TBCCD1: variants seen among roughly 807,000 people sequenced by gnomAD.
TBCCD1 encodes TBCC domain-containing protein 1.
In TBCCD1, 26 loss-of-function variants were observed where a neutral mutation model predicts 53.4. That is an observed-to-expected ratio of 0.49 (90% CI 0.36 to 0.68). The LOEUF is 0.68. Among genes scored for constraint, TBCCD1 ranks in the 30% least tolerant of loss-of-function variants. The pLI, the probability that TBCCD1 is intolerant of heterozygous loss-of-function variation, is 0.00. For synonymous variants in TBCCD1, 245 were observed against 241.7 expected (o/e 1.01, Z -0.13); for missense variants, 558 against 669.5 (o/e 0.83, Z 1.84).
intron 2 of TBCCD1, among the ~76,000 whole-genome samples, chr3:186,561,492 C>T (rs1012978661): frequency 6.6e-6 from 1 of 152,082 alleles, no homozygotes; most frequent in East Asian, 1.9e-4. Context: ...ACTGGTACAG[C>T]CATTATAAAA....
rs776622247 is a variant in TBCCD1, at chr3:186,564,370, T to C, written c.-41A>G. On this transcript the variant is annotated splice_region_variant and 5_prime_UTR_variant, in exon 2 of 8. An upstream start codon of the reference 5' UTR is lost. Coordinates refer to ENST00000338733, the MANE Select transcript of TBCCD1 (RefSeq NM_018138.5). ...ATCAGGGTGAAAAGGCTTCTTTGCA[T>C]ACCTAGGAAACAAAGTTTCTTCATA... The C allele has an allele frequency of 1.3e-6, 2 of 1,525,590 alleles. No individual in the cohort carries two copies. The highest frequency in any genetic ancestry group is 4.3e-5 in the Admixed American group (2 of 46,346). 94.5% of individuals were successfully genotyped at this position (1,525,590 alleles called of 1,614,324 possible). A position where few individuals can be genotyped will look rare whatever the true frequency, so the allele number is the denominator to read the frequency against.
intron 2 of TBCCD1, among the ~76,000 whole-genome samples, chr3:186,562,388 T>C (rs1714713151): frequency 6.6e-6 from 1 of 152,080 alleles, no homozygotes; most frequent in Non-Finnish European, 1.5e-5. Flanking sequence ...TTCAACAACA[T>C]GGATGGACCT....
chr3:186,556,805 A>G (rs1204649738), intron 3 of TBCCD1, 30 bp from the exon 4 acceptor site: 1 of 1,585,986 alleles, frequency 6.3e-7, no homozygotes, highest in Admixed American at 2.0e-5. Context: ...AAGCACTCTT[A>G]ATAAAGAGAT....
intron 2 of TBCCD1, among the ~76,000 whole-genome samples, chr3:186,560,153 C>A (rs546044428): frequency 7.6e-6 from 1 of 132,016 alleles, no homozygotes; most frequent in South Asian, 2.2e-4. Context: ...GGATCCTTGC[C>A]TTTTCCATTT....
intron 7 of TBCCD1, among the ~76,000 whole-genome samples, chr3:186,547,629 C>T (rs1341207565): frequency 3.7e-5 from 5 of 135,772 alleles, no homozygotes; most frequent in African/African-American, 5.6e-5. Context: ...TTTTTTAAGA[C>T]GGAGTCTCGC....
At chr3:186,549,096 G>A (rs185197231) in intron 7 of TBCCD1, among the ~76,000 whole-genome samples, 2 of 151,688 alleles carry the variant, frequency 1.3e-5, no homozygotes, top group African/African-American at 4.8e-5. Flanking sequence ...AGACCAGCCT[G>A]GGCCATCATG....
upstream of TBCCD1, among the ~76,000 whole-genome samples, chr3:186,568,134 T>C (rs1714892111): frequency 6.6e-6 from 1 of 152,182 alleles, no homozygotes; most frequent in Non-Finnish European, 1.5e-5. Flanking sequence ...GGGCTTCAAA[T>C]TTACACATAC....
At chr3:186,548,703 G>GA (rs1714281503) in intron 7 of TBCCD1, among the ~76,000 whole-genome samples, 3 of 152,080 alleles carry the variant, frequency 2.0e-5, no homozygotes, top group Non-Finnish European at 4.4e-5. Context: ...CTAGTCCACA[G>GA]TTTTTTTAAA....
At chr3:186,568,905 GA>G (rs1315274828), upstream of TBCCD1, among the ~76,000 whole-genome samples, 1 of 135,318 alleles carries the variant, frequency 7.4e-6, no homozygotes, top group Non-Finnish European at 1.5e-5. Flanking sequence ...TCTGTCTCAG[GA>G]AAAAAAAAGA....
chr3:186,549,306 T>TA (rs1714302839), intron 7 of TBCCD1, among the ~76,000 whole-genome samples: 4 of 149,858 alleles, frequency 2.7e-5, no homozygotes, highest in African/African-American at 9.9e-5. Context: ...ATAAATAAAT[T>TA]AATTAATTAA....
intron 7 of TBCCD1, among the ~76,000 whole-genome samples, chr3:186,550,648 T>A (rs1379462458): frequency 6.6e-6 from 1 of 152,220 alleles, no homozygotes; most frequent in Non-Finnish European, 1.5e-5. Flanking sequence ...TTTGTTTGTA[T>A]GCATATTCTC....
intron 2 of TBCCD1, 74 bp from the exon 3 acceptor site, chr3:186,558,646 T>A: frequency 2.0e-6 from 3 of 1,501,022 alleles, no homozygotes; most frequent in Admixed American, 2.3e-5. Flanking sequence ...TAAGTAGACA[T>A]AGTAAATTCA....
At chr3:186,558,616 TCAACCA>T in intron 2 of TBCCD1, 44 bp from the exon 3 acceptor site, 1 of 1,593,776 alleles carries the variant, frequency 6.3e-7, no homozygotes, top group Non-Finnish European at 8.6e-7. Flanking sequence ...TTTTAAAACA[TCAACCA>T]CTAGTCTAAC....
intron 6 of TBCCD1, among the ~76,000 whole-genome samples, chr3:186,551,891 C>T (rs1409396828): frequency 6.6e-6 from 1 of 152,110 alleles, no homozygotes; most frequent in Non-Finnish European, 1.5e-5. Context: ...GCAGGAAAAT[C>T]GCTTGAACCC....
Position 186,564,325 on chromosome 3 carries a change from T to G in TBCCD1, c.5A>C (p.Asp2Ala). The change falls in exon 2 of 8, where the codon GAT becomes GCT. Residue 2 changes from aspartate to alanine, a missense_variant. Transcript: ENST00000338733. The part of the protein sequence containing the change: M[D>A]QSRVLLWVKA... ...CACCCAGAGGAGAACTCTGGACTGA[T>G]CCATATTATCTCTAAGGACATCAGG... is the stretch of plus-strand genomic sequence containing the variant. 6.2e-7 allele frequency: 1 copy of G among 1,606,310 alleles called. No individual in the cohort carries two copies. Among genetic ancestry groups the G allele is most frequent in the East Asian group, 2.2e-5 (1 of 44,770 alleles).
chr3:186,555,493 A>G (rs936062658), intron 4 of TBCCD1, among the ~76,000 whole-genome samples: 1 of 152,162 alleles, frequency 6.6e-6, no homozygotes, highest in Admixed American at 6.5e-5. Flanking sequence ...AAATTACCAT[A>G]ATATTAATTC....
rs59882959 is a variant in TBCCD1, at chr3:186,551,135, C to T, written c.*15G>A. ...AAGTGGTATAAATGCCTACCAGTGTCTGCATGTAAGATCCTTATCCAGCTG... is the reference window on the plus strand; with the variant it reads ...AAGTGGTATAAATGCCTACCAGTGTTTGCATGTAAGATCCTTATCCAGCTG... On this transcript the variant is annotated 3_prime_UTR_variant, in exon 7 of 8. Coordinates refer to ENST00000338733, the MANE Select transcript of TBCCD1 (RefSeq NM_018138.5). 4.1e-3 allele frequency: 6,514 copies of T among 1,606,452 alleles called. 210 individuals carry two copies. The African/African-American group carries it at 0.073, about 18-fold the overall frequency.
chr3:186,549,679 T>C (rs1242454839), intron 7 of TBCCD1, among the ~76,000 whole-genome samples: 2 of 152,180 alleles, frequency 1.3e-5, no homozygotes, highest in Non-Finnish European at 2.9e-5. Context: ...AAGAAATCGC[T>C]GAGTCAGAGA....
At chr3:186,570,033 T>C, upstream of TBCCD1, 1 of 629,956 alleles carries the variant, frequency 1.6e-6, no homozygotes, top group Non-Finnish European at 2.9e-6. Context: ...GAACTGCCAA[T>C]AAGTGCTTTG....
Sources: allele counts gnomAD v4.1 joint callset (sites outside exome capture counted in the v4.1 genomes callset), GRCh38; gene constraint gnomAD v4.1.1; transcripts MANE v1.5; gene names NCBI Gene and HGNC (gene_info 2026-07-23, HGNC 2026-07-21).